Variants in CDYL observed in about 807,000 individuals in gnomAD.
CDYL encodes chromodomain Y-like protein.
CDYL carries 8 observed loss-of-function variants against 47.3 expected under a neutral mutation model. That is an observed-to-expected ratio of 0.17 (90% confidence interval 0.10 to 0.31). The LOEUF is 0.31. CDYL is among the 10% of genes least tolerant of loss of function. The probability of loss-of-function intolerance (pLI) is 1.00; values close to 1 mark genes in which losing one functional copy is unlikely to be tolerated. For missense variants in CDYL, 471 were observed against 701.4 expected (o/e 0.67, Z 3.71); for synonymous variants, 266 against 265.0 (o/e 1.00, Z -0.04).
At chr6:4,805,839 C>G (rs1255790316) in intron 1 of CDYL, among the ~76,000 whole-genome samples, 2 of 152,214 alleles carry the variant, frequency 1.3e-5, no homozygotes, top group African/African-American at 4.8e-5. Context: ...TTCACTGATT[C>G]AAATGCCAGT....
chr6:4,947,696 C>G (rs1446461875), intron 5 of CDYL, among the ~76,000 whole-genome samples: 2 of 152,142 alleles, frequency 1.3e-5, no homozygotes, highest in Non-Finnish European at 2.9e-5. Flanking sequence ...GGTGGTTTCT[C>G]TGGAAGCTAA....
At chr6:4,744,624 A>G (rs759886606) in intron 3 of CDYL, among the ~76,000 whole-genome samples, 33 of 152,258 alleles carry the variant, frequency 2.2e-4, no homozygotes, top group Non-Finnish European at 3.8e-4. Context: ...TGTGCCAGGC[A>G]GTGTACTAAA....
At chr6:4,799,314 C>T (rs1214466362) in intron 1 of CDYL, among the ~76,000 whole-genome samples, 1 of 151,922 alleles carries the variant, frequency 6.6e-6, no homozygotes. Context: ...TGTTTTATGG[C>T]CCAGTATATG....
chr6:4,922,578 G>C (rs1047516485), intron 2 of CDYL, among the ~76,000 whole-genome samples: 30 of 152,234 alleles, frequency 2.0e-4, no homozygotes, highest in Admixed American at 7.2e-4. Flanking sequence ...GCGTAATCCA[G>C]GTGGTGCCCA....
At chr6:4,935,885 T>C in intron 3 of CDYL, 114 bp downstream of exon 3, 1 of 1,483,410 alleles carries the variant, frequency 6.7e-7, no homozygotes, top group Non-Finnish European at 9.1e-7. Context: ...TTTTGGGCCA[T>C]CTCCCGATGC....
At chr6:4,829,501 C>G (rs956003745) in intron 1 of CDYL, among the ~76,000 whole-genome samples, 3 of 152,152 alleles carry the variant, frequency 2.0e-5, no homozygotes, top group South Asian at 2.1e-4. Flanking sequence ...AGGTGAAAGC[C>G]GAGAAACTTC....
intron 1 of CDYL, among the ~76,000 whole-genome samples, chr6:4,785,474 A>G (rs1269175388): frequency 1.3e-5 from 2 of 152,208 alleles, no homozygotes; most frequent in African/African-American, 4.8e-5. Flanking sequence ...TGTTGACTGC[A>G]CATCATGAAT....
At chr6:4,770,366 A>G (rs528444802) in intron 3 of CDYL, among the ~76,000 whole-genome samples, 1 of 152,324 alleles carries the variant, frequency 6.6e-6, no homozygotes, top group East Asian at 1.9e-4. Context: ...TGGGGTCAAT[A>G]AAAATGCCCA....
rs184589505 is a variant in CDYL at position 4,707,681 on chromosome 6, A to C, written c.-39+1430A>C. On this transcript the variant is annotated intron_variant, in intron 1 of 8. Transcript: ENST00000328908. ...TTCTAAAATGTGTGCATTTTATCATATGCGGATAGTACCTAATTTAAAAGT... is the reference window on the plus strand; with the variant it reads ...TTCTAAAATGTGTGCATTTTATCATCTGCGGATAGTACCTAATTTAAAAGT... 2.6e-5 allele frequency among the ~76,000 whole-genome samples: 4 copies of C among 152,324 alleles called. No homozygotes were observed. The East Asian group carries it at 7.7e-4, about 29-fold the overall frequency.
intron 1 of CDYL, among the ~76,000 whole-genome samples, chr6:4,837,045 C>T (rs911861378): frequency 2.0e-5 from 3 of 152,190 alleles, no homozygotes; most frequent in African/African-American, 7.2e-5. Flanking sequence ...GTACCTCGTA[C>T]AGTGCCTTAT....
chr6:4,864,332 A>G (rs1305852782), intron 1 of CDYL, among the ~76,000 whole-genome samples: 1 of 152,228 alleles, frequency 6.6e-6, no homozygotes, highest in Non-Finnish European at 1.5e-5. Context: ...GTATGTCTAA[A>G]CCACATTAGT....
At chr6:4,921,215 G>A (rs1223880663) in intron 2 of CDYL, among the ~76,000 whole-genome samples, 1 of 152,146 alleles carries the variant, frequency 6.6e-6, no homozygotes. Context: ...TAGGTGCCTA[G>A]TGCGTCACTT....
intron 1 of CDYL, among the ~76,000 whole-genome samples, chr6:4,842,213 A>G (rs1760522213): frequency 1.4e-5 from 2 of 145,722 alleles, no homozygotes; most frequent in East Asian, 2.0e-4. Flanking sequence ...ATAATAATAT[A>G]TAATTATATA....
Position 4,864,156 on chromosome 6 carries a change from T to C in CDYL, c.25-27557T>C, listed in dbSNP as rs551131130. On this transcript the variant is annotated intron_variant, in intron 1 of 6. Coordinates refer to ENST00000397588, the MANE Select transcript of CDYL (RefSeq NM_004824.4). ...TAGAATACTTTACTAATGTAAAATA[T>C]GATTCAAGAAACAAAATGAAATGGA... 2.6e-5 allele frequency among the ~76,000 whole-genome samples: 4 copies of C among 152,330 alleles called. No individual in the cohort carries two copies. In the East Asian group the frequency reaches 7.7e-4, roughly 29 times the overall value.
intron 1 of CDYL, among the ~76,000 whole-genome samples, chr6:4,709,201 A>G (rs1757104192): frequency 6.6e-6 from 1 of 150,990 alleles, no homozygotes; most frequent in Non-Finnish European, 1.5e-5. Flanking sequence ...GCACCCAGTC[A>G]TTTTGCTTGT....
intron 2 of CDYL, among the ~76,000 whole-genome samples, chr6:4,934,601 A>G (rs185890791): frequency 2.0e-5 from 3 of 152,208 alleles, no homozygotes; most frequent in East Asian, 3.9e-4. Flanking sequence ...TTTTTTCCCC[A>G]TCCACTCTAC....
At chr6:4,852,284 T>C (rs76409995) in intron 1 of CDYL, among the ~76,000 whole-genome samples, 3,177 of 152,250 alleles carry the variant, frequency 0.021, 120 homozygotes, top group African/African-American at 0.073. Context: ...CTGGGGCAAA[T>C]GATGATTCCT....
chr6:4,894,889 GTATATATACACACGTACGTGTGTA>G (rs1263612718), intron 2 of CDYL, among the ~76,000 whole-genome samples: 1 of 148,170 alleles, frequency 6.7e-6, no homozygotes, highest in African/African-American at 2.6e-5. Flanking sequence ...GTATGTGTGT[GTATATATACACACGTACGTGTGTA>G]TATATACACA....
intron 1 of CDYL, among the ~76,000 whole-genome samples, chr6:4,709,651 A>G (rs200540579): frequency 1.3e-5 from 2 of 151,934 alleles, no homozygotes; most frequent in East Asian, 3.9e-4. Flanking sequence ...TCAAGAGGGA[A>G]CCTCTGTCTC....
Sources: gnomAD v4.1 joint callset for allele counts (sites outside exome capture counted in the v4.1 genomes callset) on GRCh38, gnomAD v4.1.1 for gene constraint, MANE v1.5 for transcripts, NCBI Gene and HGNC (gene_info 2026-07-23, HGNC 2026-07-21) for gene names.